KCNQ5: variants seen among roughly 807,000 people sequenced by gnomAD.
KCNQ5 encodes the protein potassium voltage-gated channel subfamily KQT member 5.
A neutral mutation model predicts 98.2 loss-of-function variants in KCNQ5; 30 were observed. The ratio of observed to expected loss-of-function variants is 0.31; its 90% CI spans 0.23 to 0.41. The LOEUF is 0.41. Ranked by LOEUF, KCNQ5 falls within the 10% of genes least tolerant of loss-of-function variation. The pLI, the probability that KCNQ5 is intolerant of heterozygous loss-of-function variation, is 1.00. For missense variants in KCNQ5, 835 were observed against 1,182.5 expected (o/e 0.71, Z 4.31); for synonymous variants, 458 against 449.4 (o/e 1.02, Z -0.24).
intron 1 of KCNQ5, among the ~76,000 whole-genome samples, chr6:72,731,444 G>A (rs1770548203): frequency 6.6e-6 from 1 of 152,204 alleles, no homozygotes; most frequent in Non-Finnish European, 1.5e-5. Flanking sequence ...TTTCTCTCAT[G>A]TAAATGAGTT....
chr6:72,689,334 C>A (rs1405198309), intron 1 of KCNQ5, among the ~76,000 whole-genome samples: 1 of 152,160 alleles, frequency 6.6e-6, no homozygotes, highest in Non-Finnish European at 1.5e-5. Context: ...ACAGAAAAAA[C>A]AAAACAGAAA....
At chr6:72,966,192 G>A (rs1385743698) in intron 1 of KCNQ5, among the ~76,000 whole-genome samples, 2 of 152,118 alleles carry the variant, frequency 1.3e-5, no homozygotes, top group African/African-American at 4.8e-5. Context: ...ATTAGTTTAG[G>A]CAGTTTATGA....
chr6:73,091,551 G>T (rs1247018553), intron 5 of KCNQ5, among the ~76,000 whole-genome samples: 1 of 151,986 alleles, frequency 6.6e-6, no homozygotes, highest in Non-Finnish European at 1.5e-5. Flanking sequence ...GTTTTTGTTT[G>T]CTTTGTCCAA....
chr6:73,102,317 A>G (rs1433383392), intron 5 of KCNQ5, among the ~76,000 whole-genome samples: 1 of 152,218 alleles, frequency 6.6e-6, no homozygotes, highest in African/African-American at 2.4e-5. Flanking sequence ...AACATGAGGG[A>G]AATTCTCCAG....
intron 10 of KCNQ5, among the ~76,000 whole-genome samples, chr6:73,168,956 A>G (rs1379218705): frequency 6.6e-6 from 1 of 152,188 alleles, no homozygotes; most frequent in Admixed American, 6.5e-5. Context: ...CTAATATTCC[A>G]TTATATAAAC....
chr6:73,094,648 T>C (rs1277936076), intron 5 of KCNQ5, among the ~76,000 whole-genome samples: 2 of 152,202 alleles, frequency 1.3e-5, no homozygotes, highest in African/African-American at 2.4e-5. Context: ...TTTGTCTGTC[T>C]GAAAAAGACT....
intron 11 of KCNQ5, among the ~76,000 whole-genome samples, chr6:73,185,028 G>A (rs998299301): frequency 5.9e-5 from 9 of 152,186 alleles, no homozygotes; most frequent in African/African-American, 2.2e-4. Flanking sequence ...AAGAGTAGAA[G>A]ACATAATCCC....
chr6:72,736,127 A>G (rs545174471), intron 1 of KCNQ5, among the ~76,000 whole-genome samples: 2 of 152,140 alleles, frequency 1.3e-5, no homozygotes, highest in South Asian at 4.1e-4. Context: ...CCCAATTCAA[A>G]TTTTTAACAT....
chr6:72,778,446 T>TG (rs1007869179), intron 1 of KCNQ5, among the ~76,000 whole-genome samples: 3 of 150,354 alleles, frequency 2.0e-5, no homozygotes, highest in African/African-American at 7.4e-5. Context: ...GCTGAGGTGG[T>TG]GGGGGTCGCT....
At chr6:72,732,445 G>A (rs1218938361) in intron 1 of KCNQ5, among the ~76,000 whole-genome samples, 6 of 152,146 alleles carry the variant, frequency 3.9e-5, no homozygotes, top group Non-Finnish European at 5.9e-5. Context: ...AAGAGCCAAC[G>A]GGCAGAGAAC....
chr6:73,171,799 C>T (rs900988495), intron 11 of KCNQ5, among the ~76,000 whole-genome samples: 9 of 152,122 alleles, frequency 5.9e-5, no homozygotes, highest in Admixed American at 2.0e-4. Flanking sequence ...ACAATTCAGT[C>T]CACGAATTAA....
intron 1 of KCNQ5, among the ~76,000 whole-genome samples, chr6:72,654,836 AG>A (rs1766064184): frequency 6.6e-6 from 1 of 152,230 alleles, no homozygotes; most frequent in Admixed American, 6.5e-5. Context: ...ATTAAAATAA[AG>A]GTATTGAAGG....
intron 1 of KCNQ5, among the ~76,000 whole-genome samples, chr6:72,980,599 T>C (rs1193713518): frequency 1.3e-5 from 2 of 152,172 alleles, no homozygotes; most frequent in African/African-American, 2.4e-5. Flanking sequence ...TTTCTAAATA[T>C]ACAATCATGT....
At chr6:72,667,856 T>C (rs1766903545) in intron 1 of KCNQ5, among the ~76,000 whole-genome samples, 1 of 152,160 alleles carries the variant, frequency 6.6e-6, no homozygotes, top group African/African-American at 2.4e-5. Flanking sequence ...CTGAGAAACA[T>C]TTTACAAAAT....
At chr6:72,718,197 T>G (rs929719677) in intron 1 of KCNQ5, among the ~76,000 whole-genome samples, 1 of 152,196 alleles carries the variant, frequency 6.6e-6, no homozygotes, top group African/African-American at 2.4e-5. Context: ...GCAGTCAGTA[T>G]TTACTGATTC....
intron 5 of KCNQ5, among the ~76,000 whole-genome samples, chr6:73,078,844 C>A (rs956132764): frequency 1.1e-4 from 16 of 152,170 alleles, no homozygotes; most frequent in Non-Finnish European, 1.9e-4. Context: ...GCATAGTTTT[C>A]CACTGAAGCA....
intron 1 of KCNQ5, among the ~76,000 whole-genome samples, chr6:72,965,702 A>G (rs988140247): frequency 6.6e-6 from 1 of 152,176 alleles, no homozygotes; most frequent in African/African-American, 2.4e-5. Context: ...TTAAATCCAA[A>G]CTTCCACAAT....
chr6:73,029,904 CAAAAAAAAAA>C (rs56804434), intron 2 of KCNQ5, among the ~76,000 whole-genome samples: 4 of 78,656 alleles, frequency 5.1e-5, no homozygotes, highest in Admixed American at 1.8e-4. Context: ...GACTCCGTCT[CAAAAAAAAAA>C]AAAAAAAAAA....
intron 1 of KCNQ5, among the ~76,000 whole-genome samples, chr6:72,796,761 T>C (rs1774355597): frequency 6.6e-6 from 1 of 152,158 alleles, no homozygotes; most frequent in South Asian, 2.1e-4. Flanking sequence ...TCAACATAAT[T>C]AGCTGTATTT....
Sources: gnomAD v4.1 joint callset for allele counts (sites outside exome capture counted in the v4.1 genomes callset) on GRCh38, gnomAD v4.1.1 for gene constraint, MANE v1.5 for transcripts, NCBI Gene and HGNC (gene_info 2026-07-23, HGNC 2026-07-21) for gene names.